Variants in SYNE1 observed in about 807,000 individuals in gnomAD.
SYNE1 encodes the protein spectrin repeat containing nuclear envelope protein 1.
In SYNE1, 616 loss-of-function variants were observed where a neutral mutation model predicts 1,111.0. That is an observed-to-expected ratio of 0.55 (90% CI 0.52 to 0.59). The LOEUF (loss-of-function observed/expected upper bound fraction) is 0.59, where lower values mean the gene tolerates loss of function less well. Ranked by LOEUF, SYNE1 falls within the 20% of genes least tolerant of loss-of-function variation. The pLI is 0.00. For missense variants in SYNE1, 10,006 were observed against 10,417.0 expected, an observed-to-expected ratio of 0.96 and a Z score of 1.72; for synonymous variants, 3,855 against 3,825.8, an observed-to-expected ratio of 1.01 and a Z score of -0.28.
rs1170168223 is a variant in SYNE1, at chr6:152,289,787, T to C, written c.18012+3801A>G. On this transcript the variant is annotated intron_variant, in intron 95 of 145. Transcript: ENST00000367255. ...GACTACAAGCGCCCACCACCATGCC[T>C]GGCTAAGTTTTTGTATTTTTAGTAG... 9.9e-5 allele frequency among the ~76,000 whole-genome samples: 15 copies of C among 152,236 alleles called. No homozygotes were observed. The South Asian group carries it at 2.9e-3, about 29-fold the overall frequency.
At chr6:152,340,299 G>A (rs917956038) in intron 74 of SYNE1, among the ~76,000 whole-genome samples, 5 of 152,130 alleles carry the variant, frequency 3.3e-5, no homozygotes, top group African/African-American at 7.2e-5. Flanking sequence ...AGCAGAGGTC[G>A]GAGGGTGGGC....
chr6:152,563,941 A>AT (rs141790737), intron 3 of SYNE1, among the ~76,000 whole-genome samples: 2,831 of 152,266 alleles, frequency 0.019, 95 homozygotes, highest in African/African-American at 0.064. Flanking sequence ...GAATCACACC[A>AT]TTTTTTTGAA....
intron 24 of SYNE1, among the ~76,000 whole-genome samples, chr6:152,455,154 T>C (rs546052783): frequency 1.5e-4 from 23 of 152,344 alleles, no homozygotes; most frequent in Admixed American, 7.8e-4. Flanking sequence ...GCAAGCTAAA[T>C]AATGAATTAG....
Position 152,359,629 on chromosome 6 carries a change from GGTGTGTGT to G in SYNE1, c.10300-179_10300-172del, listed in dbSNP as rs57095244. ...ACACAGATATGTGTGTGAATGCATG[GGTGTGTGT>G]GTGTGTGTGTGTGTGTATTTTATGT... On this transcript the variant is annotated intron_variant, in intron 64 of 145. Coordinates refer to ENST00000367255, the MANE Select transcript of SYNE1 (RefSeq NM_182961.4). Among the ~76,000 whole-genome samples the G allele has an allele frequency of 9.7e-3, 1,444 of 148,588 alleles. 28 individuals are homozygous for G. Among genetic ancestry groups the G allele is most frequent in the African/African-American group, 0.034 (1,363 of 40,642 alleles).
intron 49 of SYNE1, among the ~76,000 whole-genome samples, chr6:152,397,431 A>G (rs939538303): frequency 6.6e-6 from 1 of 152,054 alleles, no homozygotes; most frequent in Non-Finnish European, 1.5e-5. Flanking sequence ...GGCTTTGACA[A>G]AGCAAAAGAA....
In SYNE1 at chr6:152,252,333, CCTCA is replaced by C. The variant is rs556588991; in HGVS notation, c.19470+2543_19470+2546del. ...AAAATAAATAAAATCAGTTGTGCTG[CCTCA>C]CTCATTCATTAAAGAATTCTTTCAT... On this transcript the variant is annotated intron_variant, in intron 104 of 145. Transcript: ENST00000367255. Among the ~76,000 whole-genome samples, 43 of 151,948 alleles carry C rather than the reference CCTCA, an allele frequency of 2.8e-4. No individual in the cohort carries two copies. The East Asian group carries it at 6.9e-3, about 25-fold the overall frequency.
Position 152,236,189 on chromosome 6 carries a change from G to A in SYNE1, c.20314C>T (p.Leu6772Phe), listed in dbSNP as rs1309947836. Residue 6772 changes from leucine (L) to phenylalanine (F), a missense_variant, in exon 110 of 146, where the codon CTT (leucine) becomes TTT (phenylalanine). Physicochemically the swap from Leu to Phe is conservative, Grantham distance 22 (BLOSUM62 0). Transcript: ENST00000367255. The part of the protein sequence containing the change: ...CSDLESQLNQ[L>F]GECWLSNTNK... The stretch of plus-strand genomic sequence containing the variant: ...GTGTTACTTAGCCAGCACTCTCCAA[G>A]TTGATTTAGTTGGCTTTCTAGATCT... 3 of 1,614,110 alleles carry A rather than the reference G, an allele frequency of 1.9e-6. No individual in the cohort carries two copies. Among genetic ancestry groups the A allele is most frequent in the Admixed American group, 1.7e-5 (1 of 60,018 alleles).
chr6:152,447,997 T>C (rs1290115789), intron 28 of SYNE1, among the ~76,000 whole-genome samples: 2 of 152,220 alleles, frequency 1.3e-5, no homozygotes, highest in South Asian at 4.1e-4. Flanking sequence ...GAAGATGATA[T>C]TTTGTGAAAA....
At chr6:152,142,271 A>G (rs935872900) in intron 138 of SYNE1, among the ~76,000 whole-genome samples, 1 of 152,214 alleles carries the variant, frequency 6.6e-6, no homozygotes, top group African/African-American at 2.4e-5. Flanking sequence ...CGGAGCCCTC[A>G]GCTGGCAATG....
In SYNE1 at chr6:152,252,288, T is replaced by G. The variant is rs1007403560; in HGVS notation, c.19470+2592A>C. ...ACTCTGTCTCAATAAATAAATTAAATAAATAAATAAATAAATAATAAAATA... is the reference window on the plus strand; with the variant it reads ...ACTCTGTCTCAATAAATAAATTAAAGAAATAAATAAATAAATAATAAAATA... On this transcript the variant is annotated intron_variant, in intron 104 of 145. Coordinates refer to ENST00000367255, the MANE Select transcript of SYNE1 (RefSeq NM_182961.4). Among the ~76,000 whole-genome samples the G allele has an allele frequency of 2.0e-4, 31 of 151,554 alleles. 1 individual carries two copies. The highest frequency in any genetic ancestry group is 7.4e-5 in the Non-Finnish European group (5 of 67,864).
At chr6:152,141,374 G>T in intron 138 of SYNE1, 45 bp from the exon 139 acceptor site, 2 of 1,611,444 alleles carry the variant, frequency 1.2e-6, no homozygotes, top group South Asian at 2.2e-5. Context: ...AAATCTTCAT[G>T]AGTGCAAAAG....
At chr6:152,159,312 T>C (rs1435254265) in intron 131 of SYNE1, among the ~76,000 whole-genome samples, 3 of 152,220 alleles carry the variant, frequency 2.0e-5, no homozygotes, top group African/African-American at 7.2e-5. Context: ...TGGCGTTCTA[T>C]AAATCAGGGC....
intron 11 of SYNE1, among the ~76,000 whole-genome samples, chr6:152,495,018 C>A (rs901414089): frequency 6.6e-6 from 1 of 152,186 alleles, no homozygotes; most frequent in African/African-American, 2.4e-5. Flanking sequence ...TTCCTCCTTC[C>A]AGCCTTACAG....
In SYNE1 at chr6:152,190,324, A is replaced by G. The variant is rs546559905; in HGVS notation, c.23146-917T>C. Among the ~76,000 whole-genome samples the G allele has an allele frequency of 2.0e-5, 3 of 152,250 alleles. No homozygotes were observed. In the East Asian group the frequency reaches 5.8e-4, roughly 29 times the overall value. ...CACCTCATCTGGAGCTACTCCCTCC[A>G]CCACTGAAGTCTTGAACCCCCTCAA... On this transcript the variant is annotated intron_variant, in intron 127 of 145. Transcript: ENST00000367255.
rs199774691 is a variant in SYNE1 at position 152,344,191 on chromosome 6, C to T, written c.12115G>A (p.Val4039Ile). The T allele has an allele frequency of 1.5e-4, 250 of 1,614,202 alleles. No individual in the cohort carries two copies. Among genetic ancestry groups the T allele is most frequent in the Admixed American group, 7.3e-4 (44 of 60,022 alleles). ...TGCTGCAGGGTGTCTTGTCGGCTGA[C>T]GTGCTTCTGAAGTTCGTGTTCCAAA... ...QSLEHELQKH[V>I]SRQDTLQQCQ... The change falls in exon 74 of 146, where the codon GTC (valine) becomes ATC (isoleucine). Residue 4039 changes from valine to isoleucine, a missense_variant. This residue lies in a region of SYNE1 where 4,955 missense variants were observed against 5,017.2 expected (regional missense o/e 0.99). Transcript: ENST00000367255.
intron 145 of SYNE1, 52 bp from the exon 146 acceptor site, chr6:152,122,728 C>A (rs368409927): frequency 6.2e-7 from 1 of 1,610,394 alleles, no homozygotes; most frequent in Non-Finnish European, 8.5e-7. Flanking sequence ...GTCGGAGGGA[C>A]GCTGCTTTTT....
At chr6:152,139,579 A>AG (rs543972050) in intron 140 of SYNE1, among the ~76,000 whole-genome samples, 1,762 of 149,210 alleles carry the variant, frequency 0.012, 37 homozygotes, top group African/African-American at 0.04. Flanking sequence ...AAAAAAAAAA[A>AG]AAAGAAAGGA....
chr6:152,218,484 G>A, intron 120 of SYNE1, 81 bp from the exon 121 acceptor site: 2 of 1,458,198 alleles, frequency 1.4e-6, no homozygotes, highest in Non-Finnish European at 1.9e-6. Context: ...AAAAGGGCAA[G>A]TGGATATTAA....
intron 3 of SYNE1, among the ~76,000 whole-genome samples, chr6:152,611,910 C>A (rs2099632420): frequency 1.3e-5 from 2 of 151,648 alleles, no homozygotes; most frequent in African/African-American, 4.8e-5. Context: ...GGGTAAATAA[C>A]AAAATGAAGG....
Sources: gnomAD v4.1 joint callset for allele counts (sites outside exome capture counted in the v4.1 genomes callset) on GRCh38, gnomAD v4.1.1 for gene constraint, gnomAD v4.1.1 regional missense constraint, MANE v1.5 for transcripts, NCBI Gene and HGNC (gene_info 2026-07-23, HGNC 2026-07-21) for gene names.